DPP10: variants seen among roughly 807,000 people sequenced by gnomAD.
DPP10 encodes inactive dipeptidyl peptidase 10.
DPP10 carries 33 observed loss-of-function variants against 120.9 expected under a neutral mutation model. The observed-to-expected ratio is 0.27, with a 90% CI of 0.21 to 0.37. The LOEUF is 0.37. DPP10 is among the 10% of genes least tolerant of loss of function. The probability of loss-of-function intolerance (pLI) is 1.00; values close to 1 mark genes in which losing one functional copy is unlikely to be tolerated. For synonymous variants in DPP10, 337 were observed against 326.1 expected (o/e 1.03, Z -0.36); for missense variants, 816 against 942.8 (o/e 0.87, Z 1.76).
At chr2:115,762,045 G>C (rs1353198391) in intron 11 of DPP10, among the ~76,000 whole-genome samples, 1 of 152,046 alleles carries the variant, frequency 6.6e-6, no homozygotes, top group Non-Finnish European at 1.5e-5. Flanking sequence ...AGACTGTTTT[G>C]AAGGGACACA....
At chr2:114,970,012 G>A (rs371211673) in intron 1 of DPP10, among the ~76,000 whole-genome samples, 4 of 152,048 alleles carry the variant, frequency 2.6e-5, no homozygotes, top group African/African-American at 9.7e-5. Flanking sequence ...CCAACAGTCA[G>A]TCTTATCCCA....
rs570144854 is a variant in DPP10, at chr2:115,451,747, TAAAC to T, written c.272-47759_272-47756del. Among the ~76,000 whole-genome samples, 1,136 of 152,098 alleles carry T rather than the reference TAAAC, an allele frequency of 7.5e-3. 6 individuals are homozygous for T. Among genetic ancestry groups the T allele is most frequent in the African/African-American group, 0.025 (1,028 of 41,566 alleles). ...AAATTTATGAATGTATAATTTTTAT[TAAAC>T]AAAAACATTATAAAAATTAACGCAT... On this transcript the variant is annotated intron_variant, in intron 3 of 25. Coordinates refer to ENST00000410059, the MANE Select transcript of DPP10 (RefSeq NM_020868.6).
intron 1 of DPP10, among the ~76,000 whole-genome samples, chr2:114,777,542 A>G (rs1681872090): frequency 6.6e-6 from 1 of 152,116 alleles, no homozygotes; most frequent in Non-Finnish European, 1.5e-5. Context: ...AACAGCAAGG[A>G]AAGAAGGAAG....
At chr2:114,618,784 A>G (rs1693863368) in intron 1 of DPP10, among the ~76,000 whole-genome samples, 2 of 152,026 alleles carry the variant, frequency 1.3e-5, no homozygotes, top group Admixed American at 1.3e-4. Flanking sequence ...ATCAGATGTC[A>G]TCAGTATAAA....
intron 3 of DPP10, among the ~76,000 whole-genome samples, chr2:115,405,996 G>A (rs1238919093): frequency 6.6e-6 from 1 of 152,214 alleles, no homozygotes; most frequent in East Asian, 1.9e-4. Flanking sequence ...ATTTAGTGAA[G>A]AGTTGCTGTA....
chr2:114,592,216 A>T (rs1691521725), intron 1 of DPP10, among the ~76,000 whole-genome samples: 1 of 152,172 alleles, frequency 6.6e-6, no homozygotes, highest in African/African-American at 2.4e-5. Flanking sequence ...GACAGAGAAG[A>T]ATGTAAGCAG....
chr2:114,477,406 TAC>T (rs1356202588), intron 1 of DPP10, among the ~76,000 whole-genome samples: 18 of 152,124 alleles, frequency 1.2e-4, no homozygotes, highest in Admixed American at 3.9e-4. Flanking sequence ...TATATATTTA[TAC>T]ACACACATAT....
At chr2:115,261,401 T>C (rs890553443) in intron 1 of DPP10, among the ~76,000 whole-genome samples, 2 of 152,172 alleles carry the variant, frequency 1.3e-5, no homozygotes, top group African/African-American at 4.8e-5. Context: ...GGTGAAGAAA[T>C]ACGGTTTAGT....
chr2:114,714,977 G>A (rs1701260900), intron 1 of DPP10, among the ~76,000 whole-genome samples: 4 of 152,044 alleles, frequency 2.6e-5, no homozygotes, highest in African/African-American at 7.2e-5. Context: ...GACAAAAGTC[G>A]CTTGAAAGAA....
At chr2:115,402,809 C>T (rs2068168800) in intron 3 of DPP10, among the ~76,000 whole-genome samples, 2 of 139,372 alleles carry the variant, frequency 1.4e-5, no homozygotes, top group African/African-American at 5.3e-5. Context: ...AACTCATTAC[C>T]ACAACACCAA....
intron 1 of DPP10, among the ~76,000 whole-genome samples, chr2:115,048,284 T>C (rs921996839): frequency 6.6e-6 from 1 of 151,952 alleles, no homozygotes; most frequent in African/African-American, 2.4e-5. Flanking sequence ...ATCAGTATTT[T>C]CCCCAATCTA....
chr2:115,275,659 T>C (rs562668815), intron 1 of DPP10, among the ~76,000 whole-genome samples: 2 of 151,750 alleles, frequency 1.3e-5, no homozygotes, highest in African/African-American at 4.8e-5. Flanking sequence ...ATGGGAACAA[T>C]TCTTCAGTTT....
At chr2:114,978,492 A>T (rs1699888134) in intron 1 of DPP10, among the ~76,000 whole-genome samples, 1 of 152,122 alleles carries the variant, frequency 6.6e-6, no homozygotes, top group Non-Finnish European at 1.5e-5. Context: ...GGTGCAATAT[A>T]CTTGTCTATA....
intron 1 of DPP10, among the ~76,000 whole-genome samples, chr2:114,853,698 G>A (rs1260551310): frequency 1.3e-5 from 2 of 152,116 alleles, no homozygotes; most frequent in Non-Finnish European, 2.9e-5. Flanking sequence ...AGGTACTGAG[G>A]ATTATGTTTC....
intron 19 of DPP10, among the ~76,000 whole-genome samples, chr2:115,799,671 G>A (rs1342021703): frequency 2.1e-5 from 3 of 145,834 alleles, no homozygotes; most frequent in African/African-American, 5.1e-5. Flanking sequence ...ACCTATGAGT[G>A]AGAACATGCG....
chr2:115,140,505 A>G (rs750198702), intron 1 of DPP10, among the ~76,000 whole-genome samples: 6 of 152,196 alleles, frequency 3.9e-5, no homozygotes, highest in Admixed American at 1.3e-4. Flanking sequence ...GCCACTGGAC[A>G]TTTTTGAGTA....
intron 1 of DPP10, among the ~76,000 whole-genome samples, chr2:115,111,406 T>A: frequency 6.6e-6 from 1 of 152,038 alleles, no homozygotes; most frequent in South Asian, 2.1e-4. Context: ...AAAGTGAGAT[T>A]AAACAGGGGA....
At chr2:114,768,588 A>T (rs1018305185) in intron 1 of DPP10, among the ~76,000 whole-genome samples, 13 of 152,190 alleles carry the variant, frequency 8.5e-5, no homozygotes, top group African/African-American at 2.9e-4. Flanking sequence ...ATAAGTCAGG[A>T]TACTTTCCCC....
chr2:114,811,944 A>G (rs189391981), intron 1 of DPP10, among the ~76,000 whole-genome samples: 60 of 152,286 alleles, frequency 3.9e-4, no homozygotes, highest in African/African-American at 1.4e-3. Context: ...GAGACCTTGT[A>G]TCTCTGCTCT....
Sources: gnomAD v4.1 joint callset for allele counts (sites outside exome capture counted in the v4.1 genomes callset) on GRCh38, gnomAD v4.1.1 for gene constraint, MANE v1.5 for transcripts, NCBI Gene and HGNC (gene_info 2026-07-23, HGNC 2026-07-21) for gene names.